Variants in PATJ observed in about 807,000 individuals in gnomAD.
PATJ encodes the protein inaD-like protein.
In PATJ, 190 loss-of-function variants were observed where a neutral mutation model predicts 224.9. The ratio of observed to expected loss-of-function variants is 0.84; its 90% CI spans 0.75 to 0.95. The LOEUF is 0.95. Ranked by LOEUF, PATJ falls within the 40% of genes least tolerant of loss-of-function variation. PATJ has a pLI of 0.00. For missense variants in PATJ, 2,121 were observed against 2,270.3 expected (o/e 0.93, Z 1.34); for synonymous variants, 769 against 820.3 (o/e 0.94, Z 1.07).
chr1:61,813,398 CAT>C (rs1261008462), intron 14 of PATJ, among the ~76,000 whole-genome samples: 2 of 133,766 alleles, frequency 1.5e-5, no homozygotes, highest in African/African-American at 5.6e-5. Context: ...CACACACACA[CAT>C]ACACACATAT....
chr1:61,814,541 T>C (rs868590524), intron 14 of PATJ, among the ~76,000 whole-genome samples: 23 of 139,218 alleles, frequency 1.7e-4, no homozygotes, highest in Middle Eastern at 3.7e-3. Context: ...TGTGTGTGTG[T>C]GTGTGTGCGC....
At chr1:62,055,451 C>T (rs765079872) in intron 31 of PATJ, among the ~76,000 whole-genome samples, 5 of 152,128 alleles carry the variant, frequency 3.3e-5, no homozygotes, top group African/African-American at 4.8e-5. Context: ...ATCCTGGTTC[C>T]GCTATTCGCT....
intron 42 of PATJ, among the ~76,000 whole-genome samples, chr1:62,149,526 A>G (rs2666490): frequency 0.018 from 2,797 of 152,194 alleles, 58 homozygotes; most frequent in African/African-American, 0.056. Flanking sequence ...TTTTCTCATT[A>G]TAAAAGTTAA....
intron 30 of PATJ, among the ~76,000 whole-genome samples, chr1:62,040,356 G>A (rs892262265): frequency 3.9e-5 from 6 of 151,970 alleles, no homozygotes; most frequent in Admixed American, 2.0e-4. Context: ...TGATCTGCCC[G>A]TCTGGGCCTC....
intron 22 of PATJ, among the ~76,000 whole-genome samples, chr1:61,898,438 A>G (rs755476570): frequency 1.3e-5 from 2 of 150,660 alleles, no homozygotes; most frequent in African/African-American, 2.4e-5. Flanking sequence ...GGGTCTCACC[A>G]TGTTGTCCAG....
At chr1:62,016,819 TTTATG>T (rs1039426336) in intron 28 of PATJ, among the ~76,000 whole-genome samples, 6 of 152,190 alleles carry the variant, frequency 3.9e-5, no homozygotes, top group African/African-American at 1.2e-4. Context: ...GAGTAACAAA[TTTATG>T]TTATGTAATA....
At chr1:62,153,663 C>T (rs981137951) in intron 43 of PATJ, among the ~76,000 whole-genome samples, 182 bp downstream of exon 43, 1 of 152,056 alleles carries the variant, frequency 6.6e-6, no homozygotes, top group Non-Finnish European at 1.5e-5. Context: ...TTTACAATGG[C>T]GGAGTCACAA....
At chr1:61,968,166 G>A (rs1344694816) in intron 27 of PATJ, among the ~76,000 whole-genome samples, 1 of 152,174 alleles carries the variant, frequency 6.6e-6, no homozygotes, top group Non-Finnish European at 1.5e-5. Flanking sequence ...ACAGCCTTTG[G>A]TAGCTTTTCT....
intron 20 of PATJ, among the ~76,000 whole-genome samples, chr1:61,867,354 TC>T (rs543724800): frequency 5.4e-4 from 83 of 152,308 alleles, no homozygotes; most frequent in Non-Finnish European, 1.1e-3. Flanking sequence ...TTTCCTAGCT[TC>T]CCTCTTTTTA....
chr1:62,124,691 C>T (rs994276202), intron 39 of PATJ, among the ~76,000 whole-genome samples: 4 of 152,128 alleles, frequency 2.6e-5, no homozygotes, highest in East Asian at 1.9e-4. Context: ...AGGCCCCCCT[C>T]CTTGGCTTGC....
intron 33 of PATJ, among the ~76,000 whole-genome samples, chr1:62,088,476 T>G (rs1660313428): frequency 1.3e-5 from 2 of 152,184 alleles, no homozygotes; most frequent in Non-Finnish European, 2.9e-5. Context: ...GGTTTTGTGA[T>G]TGGTCTTCAG....
At position 61,961,391 on chromosome 1, in the gene PATJ, A is replaced by T. The variant is rs1048915042; in HGVS notation, c.3671-28777A>T. Among the ~76,000 whole-genome samples the T allele has an allele frequency of 2.6e-5, 4 of 152,148 alleles. No homozygotes were observed. The East Asian group carries it at 7.7e-4, about 29-fold the overall frequency. On this transcript the variant is annotated intron_variant, in intron 27 of 43. Transcript: ENST00000642238. ...AAGGCACAAAGCCAAGAAAGAAATG[A>T]TCAGAAGAGATTCCCAGGGGCCAAA... is the stretch of plus-strand genomic sequence containing the variant.
intron 13 of PATJ, among the ~76,000 whole-genome samples, chr1:61,807,858 T>G (rs994556429): frequency 6.6e-6 from 1 of 152,228 alleles, no homozygotes; most frequent in Non-Finnish European, 1.5e-5. Context: ...TACTTTTGCT[T>G]GCAAGGAATT....
At chr1:61,893,874 A>G (rs927605688) in intron 22 of PATJ, among the ~76,000 whole-genome samples, 1 of 150,472 alleles carries the variant, frequency 6.6e-6, no homozygotes, top group African/African-American at 2.4e-5. Flanking sequence ...CTTAATGCCT[A>G]TATGATTTGG....
chr1:61,854,922 T>G (rs2148902927), intron 17 of PATJ, among the ~76,000 whole-genome samples: 1 of 152,354 alleles, frequency 6.6e-6, no homozygotes. Context: ...ATGTTGCTTT[T>G]GTTCATAAAT....
chr1:61,981,804 T>C (rs1184031649), intron 27 of PATJ, among the ~76,000 whole-genome samples: 1 of 151,906 alleles, frequency 6.6e-6, no homozygotes, highest in African/African-American at 2.4e-5. Context: ...CCCGAGTAGC[T>C]GGGATTACAG....
At chr1:62,089,333 G>A (rs1660428053) in intron 33 of PATJ, among the ~76,000 whole-genome samples, 1 of 151,604 alleles carries the variant, frequency 6.6e-6, no homozygotes, top group Non-Finnish European at 1.5e-5. Context: ...TGCAAGGAAT[G>A]TGAGGCTGTT....
chr1:62,019,955 G>T (rs1015294885), intron 29 of PATJ, among the ~76,000 whole-genome samples: 6 of 152,068 alleles, frequency 3.9e-5, no homozygotes, highest in Non-Finnish European at 4.4e-5. Context: ...GATGGCTTGA[G>T]TTCAGGAGTT....
intron 1 of PATJ, among the ~76,000 whole-genome samples, chr1:61,759,410 C>CTTT (rs56222334): frequency 4.6e-5 from 6 of 130,102 alleles, no homozygotes; most frequent in Non-Finnish European, 6.5e-5. Flanking sequence ...ATTTTAATTG[C>CTTT]TTTTTTTTTT....
Sources: gnomAD v4.1 joint callset for allele counts (sites outside exome capture counted in the v4.1 genomes callset) on GRCh38, gnomAD v4.1.1 for gene constraint, MANE v1.5 for transcripts, NCBI Gene and HGNC (gene_info 2026-07-23, HGNC 2026-07-21) for gene names.